Variants in DCC observed in about 807,000 individuals in gnomAD.
The protein encoded by DCC is netrin receptor DCC.
Under a neutral mutation model 172.5 loss-of-function variants are expected in DCC, and 58 were observed. The ratio of observed to expected loss-of-function variants is 0.34; its 90% CI spans 0.27 to 0.42. The LOEUF is 0.42. Ranked by LOEUF, DCC falls within the 10% of genes least tolerant of loss-of-function variation. The pLI is 1.00. For synonymous variants in DCC, 709 were observed against 644.5 expected, an observed-to-expected ratio of 1.10 and a Z score of -1.52; for missense variants, 1,740 against 1,791.0, an observed-to-expected ratio of 0.97 and a Z score of 0.51.
intron 1 of DCC, among the ~76,000 whole-genome samples, chr18:52,644,804 G>A (rs2034982595): frequency 1.7e-5 from 2 of 115,098 alleles, no homozygotes; most frequent in Non-Finnish European, 3.4e-5. Context: ...AAGAAGGAAG[G>A]AAGGAAGGGA....
At chr18:52,480,314 G>A (rs542347321) in intron 1 of DCC, among the ~76,000 whole-genome samples, 1 of 152,156 alleles carries the variant, frequency 6.6e-6, no homozygotes, top group African/African-American at 2.4e-5. Flanking sequence ...CTTAAAATGA[G>A]GATTCTTTTC....
intron 8 of DCC, among the ~76,000 whole-genome samples, chr18:53,171,076 G>A (rs912501410): frequency 6.6e-6 from 1 of 151,990 alleles, no homozygotes; most frequent in African/African-American, 2.4e-5. Context: ...CTAGAGAGAG[G>A]GTTTCACCAG....
intron 22 of DCC, among the ~76,000 whole-genome samples, chr18:53,441,221 C>A (rs12962394): frequency 0.43 from 65,820 of 151,862 alleles, 16,209 homozygotes; most frequent in Non-Finnish European, 0.57. Flanking sequence ...ATAAATAAAT[C>A]AAGTGTCCCA....
intron 2 of DCC, among the ~76,000 whole-genome samples, chr18:52,835,150 A>G: frequency 6.6e-6 from 1 of 152,326 alleles, no homozygotes; most frequent in Non-Finnish European, 1.5e-5. Flanking sequence ...TGTAATTCAT[A>G]AAGTGAGAGT....
chr18:53,441,922 A>C (rs1912300680), intron 22 of DCC, among the ~76,000 whole-genome samples: 1 of 152,168 alleles, frequency 6.6e-6, no homozygotes, highest in Admixed American at 6.5e-5. Flanking sequence ...TTCTCTGTGT[A>C]GCCTCCTCTT....
intron 5 of DCC, among the ~76,000 whole-genome samples, chr18:53,054,205 T>G (rs2042371970): frequency 6.6e-6 from 1 of 152,128 alleles, no homozygotes; most frequent in African/African-American, 2.4e-5. Context: ...ATTTTATTTT[T>G]TATAGTTGTA....
chr18:53,016,719 A>T (rs1271013105), intron 5 of DCC, among the ~76,000 whole-genome samples: 3 of 152,188 alleles, frequency 2.0e-5, no homozygotes, highest in Non-Finnish European at 4.4e-5. Flanking sequence ...GAAATGCTAC[A>T]GAATCAAACA....
intron 27 of DCC, among the ~76,000 whole-genome samples, chr18:53,512,140 G>A (rs2046263987): frequency 1.3e-5 from 2 of 152,028 alleles, no homozygotes; most frequent in South Asian, 4.2e-4. Context: ...GCCTCCTCAA[G>A]TGGATCCCTG....
At chr18:52,438,656 A>G (rs1452079373) in intron 1 of DCC, among the ~76,000 whole-genome samples, 3 of 152,330 alleles carry the variant, frequency 2.0e-5, no homozygotes, top group Non-Finnish European at 4.4e-5. Flanking sequence ...ACATAAATTA[A>G]AATACTTTTT....
At chr18:52,613,823 G>A (rs1296192689) in intron 1 of DCC, among the ~76,000 whole-genome samples, 1 of 152,098 alleles carries the variant, frequency 6.6e-6, no homozygotes, top group Non-Finnish European at 1.5e-5. Flanking sequence ...GCAAACAAAC[G>A]GACACACGTT....
chr18:53,099,943 C>CTTTTTTTTTT lies in DCC; in HGVS notation c.1261+33785_1261+33794dup, dbSNP rs533618559. 2.7e-4 allele frequency among the ~76,000 whole-genome samples: 25 copies of CTTTTTTTTTT among 92,744 alleles called. 1 individual carries two copies. Among genetic ancestry groups the CTTTTTTTTTT allele is most frequent in the African/African-American group, 1.2e-3 (24 of 20,016 alleles). 60.8% of individuals were successfully genotyped at this position (92,744 alleles called of 152,430 possible). On this transcript the variant is annotated intron_variant, in intron 7 of 28. Transcript: ENST00000442544. ...GACTTTTCTTTTCTTTTCTTTCTTTCTTTTTTTTTTTTTTTTTGTTTGAGA... is the reference window on the plus strand; with the variant it reads ...GACTTTTCTTTTCTTTTCTTTCTTTCTTTTTTTTTTTTTTTTTTTTTTTTTTTGTTTGAGA...
intron 9 of DCC, among the ~76,000 whole-genome samples, chr18:53,204,462 G>T (rs2055593530): frequency 1.3e-5 from 2 of 151,894 alleles, no homozygotes; most frequent in South Asian, 2.1e-4. Flanking sequence ...CAGGAGGATT[G>T]CTTGACCCCA....
chr18:52,766,251 C>A (rs2037250781), intron 2 of DCC, among the ~76,000 whole-genome samples: 1 of 152,224 alleles, frequency 6.6e-6, no homozygotes, highest in African/African-American at 2.4e-5. Flanking sequence ...ATGCAGGCCC[C>A]ATGGCAGCAT....
chr18:52,694,684 A>G (rs1174236518), intron 1 of DCC, among the ~76,000 whole-genome samples: 1 of 152,098 alleles, frequency 6.6e-6, no homozygotes, highest in East Asian at 1.9e-4. Flanking sequence ...TTACAGCAAG[A>G]AGAAGAGAGG....
chr18:53,211,227 G>T (rs2055746707), intron 11 of DCC, among the ~76,000 whole-genome samples: 1 of 152,082 alleles, frequency 6.6e-6, no homozygotes, highest in African/African-American at 2.4e-5. Context: ...CAAGTACTTT[G>T]CCTTTACCTT....
intron 9 of DCC, among the ~76,000 whole-genome samples, chr18:53,199,516 A>G (rs2055502364): frequency 6.6e-6 from 1 of 152,174 alleles, no homozygotes; most frequent in African/African-American, 2.4e-5. Flanking sequence ...TATGGAGCTG[A>G]ATAAATGTAT....
chr18:53,188,380 A>G (rs10469019), intron 9 of DCC, among the ~76,000 whole-genome samples: 6,208 of 152,304 alleles, frequency 0.041, 400 homozygotes, highest in African/African-American at 0.14. Context: ...TCTGTGTTCT[A>G]GACTGAGATT....
chr18:52,790,298 A>G (rs1435483928), intron 2 of DCC, among the ~76,000 whole-genome samples: 3 of 152,158 alleles, frequency 2.0e-5, no homozygotes, highest in South Asian at 2.1e-4. Flanking sequence ...TTTTCTTTTG[A>G]CAGAAAGACA....
intron 19 of DCC, among the ~76,000 whole-genome samples, chr18:53,408,632 A>T (rs1909812705): frequency 6.6e-6 from 1 of 152,222 alleles, no homozygotes; most frequent in Admixed American, 6.5e-5. Context: ...ACACAAGGGC[A>T]TGATATTACT....
Sources: gnomAD v4.1 joint callset for allele counts (sites outside exome capture counted in the v4.1 genomes callset) on GRCh38, gnomAD v4.1.1 for gene constraint, MANE v1.5 for transcripts, NCBI Gene and HGNC (gene_info 2026-07-23, HGNC 2026-07-21) for gene names.